TSPAN14: variants seen among roughly 807,000 people sequenced by gnomAD.
The protein encoded by TSPAN14 is tetraspanin-14.
A neutral mutation model predicts 36.6 loss-of-function variants in TSPAN14; 16 were observed. The observed-to-expected ratio is 0.44, with a 90% confidence interval of 0.30 to 0.66. The LOEUF is 0.66. Among genes scored for constraint, TSPAN14 ranks in the 30% least tolerant of loss-of-function variants. The pLI is 0.12. For synonymous variants in TSPAN14, 139 were observed against 143.8 expected (o/e 0.97, Z 0.24); for missense variants, 231 against 355.1 (o/e 0.65, Z 2.81).
At chr10:80,490,778 G>A (rs1847883823) in intron 2 of TSPAN14, among the ~76,000 whole-genome samples, 1 of 152,212 alleles carries the variant, frequency 6.6e-6, no homozygotes, top group Non-Finnish European at 1.5e-5. Flanking sequence ...ATGGTCAAGG[G>A]ATTAAGGGAG....
intron 1 of TSPAN14, among the ~76,000 whole-genome samples, chr10:80,460,838 G>GT (rs1395716221): frequency 6.6e-6 from 1 of 152,092 alleles, no homozygotes; most frequent in African/African-American, 2.4e-5. Context: ...TGCAATTTGT[G>GT]TTCCCTGCTC....
chr10:80,501,796 G>A (rs1009352728), intron 2 of TSPAN14, among the ~76,000 whole-genome samples: 1 of 152,208 alleles, frequency 6.6e-6, no homozygotes, highest in African/African-American at 2.4e-5. Flanking sequence ...ACCCAGAAGT[G>A]TGCCTGGGGG....
intron 2 of TSPAN14, among the ~76,000 whole-genome samples, chr10:80,495,335 C>CTGTGTGTGTGTGTGTGTGTGTG (rs3041272): frequency 7.4e-6 from 1 of 135,652 alleles, no homozygotes; most frequent in Non-Finnish European, 1.5e-5. Flanking sequence ...TCTTTTGGCA[C>CTGTGTGTGTGTGTGTGTGTGTG]TGTGTGTGTG....
chr10:80,512,417 CA>C (rs747821401), intron 6 of TSPAN14, 148 bp downstream of exon 6: 11 of 1,233,704 alleles, frequency 8.9e-6, no homozygotes, highest in Admixed American at 8.2e-5. Flanking sequence ...AAGGCTGCCT[CA>C]GCTCTGAAAT....
rs141282953 is a variant in TSPAN14, at chr10:80,489,336, C to T, written c.81+22C>T. 45 of 1,454,548 alleles carry T rather than the reference C, an allele frequency of 3.1e-5. No individual in the cohort carries two copies. In the African/African-American group the frequency reaches 4.2e-4, roughly 14 times the overall value. The allele number at this position is 1,454,548 out of a possible 1,614,324, so 90.1% of individuals were successfully genotyped here. On this transcript the variant is annotated intron_variant, in intron 2 of 8. Transcript: ENST00000429989. ...CTGGGTAAGTGGATGAGAGCTGCCACATTCCCTTGTTTAGTCCTTCATTCA... is the reference window on the plus strand; with the variant it reads ...CTGGGTAAGTGGATGAGAGCTGCCATATTCCCTTGTTTAGTCCTTCATTCA...
intron 1 of TSPAN14, among the ~76,000 whole-genome samples, chr10:80,482,511 C>G (rs1159820135): frequency 6.6e-6 from 1 of 150,804 alleles, no homozygotes; most frequent in East Asian, 2.0e-4. Context: ...TGGTCTCAAA[C>G]TCCTGACCTC....
chr10:80,522,239 A>AGTG (rs1841301497), exon 9 of TSPAN14: 1 of 152,242 alleles, frequency 6.6e-6, no homozygotes, highest in Non-Finnish European at 1.5e-5. Flanking sequence ...GGCCAGGTGC[A>AGTG]GTGGCTCACG....
intron 1 of TSPAN14, among the ~76,000 whole-genome samples, chr10:80,457,140 GA>G (rs1845769687): frequency 6.6e-6 from 1 of 152,150 alleles, no homozygotes; most frequent in Non-Finnish European, 1.5e-5. Context: ...GTGGTCCCGA[GA>G]GGTCACAGAG....
At chr10:80,521,966 G>C (rs1305430244) in exon 9 of TSPAN14, 1 of 151,374 alleles carries the variant, frequency 6.6e-6, no homozygotes, top group African/African-American at 2.4e-5. Context: ...GGCGTCTCCA[G>C]GGTGCCTCAG....
intron 1 of TSPAN14, among the ~76,000 whole-genome samples, chr10:80,460,347 AT>A (rs1327954825): frequency 6.6e-6 from 1 of 152,170 alleles, no homozygotes; most frequent in Non-Finnish European, 1.5e-5. Context: ...ATCCAGGGTG[AT>A]TAGATATTGA....
intron 1 of TSPAN14, among the ~76,000 whole-genome samples, chr10:80,484,446 T>TTGA (rs767102097): frequency 3.9e-5 from 6 of 152,116 alleles, no homozygotes; most frequent in Non-Finnish European, 5.9e-5. Flanking sequence ...CGCCTCAGCC[T>TTGA]CCCACGTAGC....
chr10:80,457,473 G>A (rs1340400678), intron 1 of TSPAN14, among the ~76,000 whole-genome samples: 1 of 152,236 alleles, frequency 6.6e-6, no homozygotes, highest in Non-Finnish European at 1.5e-5. Context: ...ACAGGCGTGA[G>A]CCACTGTGCC....
intron 1 of TSPAN14, among the ~76,000 whole-genome samples, chr10:80,456,834 G>T (rs1194657939): frequency 6.6e-6 from 1 of 152,066 alleles, no homozygotes; most frequent in East Asian, 1.9e-4. Flanking sequence ...AGGCCGAGGT[G>T]GGTGGATCAC....
At chr10:80,479,007 C>T (rs952182432) in intron 1 of TSPAN14, among the ~76,000 whole-genome samples, 1 of 152,070 alleles carries the variant, frequency 6.6e-6, no homozygotes, top group Non-Finnish European at 1.5e-5. Context: ...GATGGTATCT[C>T]ATTGTGGTTT....
chr10:80,500,674 A>G (rs1848459538), intron 2 of TSPAN14, among the ~76,000 whole-genome samples: 1 of 152,166 alleles, frequency 6.6e-6, no homozygotes, highest in South Asian at 2.1e-4. Flanking sequence ...TAGAGCTGAG[A>G]GAAAGAGAAC....
intron 2 of TSPAN14, among the ~76,000 whole-genome samples, chr10:80,502,664 G>T (rs1460469652): frequency 6.6e-6 from 1 of 152,070 alleles, no homozygotes; most frequent in Non-Finnish European, 1.5e-5. Context: ...GCTCGGTTGG[G>T]GTTGGGGGAC....
intron 1 of TSPAN14, among the ~76,000 whole-genome samples, chr10:80,465,625 G>A (rs916435387): frequency 6.6e-6 from 1 of 152,218 alleles, no homozygotes; most frequent in Non-Finnish European, 1.5e-5. Flanking sequence ...GACACCTACA[G>A]TGGGAACAGA....
At chr10:80,456,907 A>T (rs1041411003) in intron 1 of TSPAN14, among the ~76,000 whole-genome samples, 2 of 151,972 alleles carry the variant, frequency 1.3e-5, no homozygotes, top group African/African-American at 4.8e-5. Context: ...TACGAAAAAT[A>T]CAAAATTAGC....
At chr10:80,461,481 G>C (rs1298539550) in intron 1 of TSPAN14, among the ~76,000 whole-genome samples, 3 of 152,164 alleles carry the variant, frequency 2.0e-5, no homozygotes, top group Non-Finnish European at 4.4e-5. Flanking sequence ...ACGTGGATAG[G>C]TTTTTGAGGG....
Sources: allele counts gnomAD v4.1 joint callset (sites outside exome capture counted in the v4.1 genomes callset), GRCh38; gene constraint gnomAD v4.1.1; transcripts MANE v1.5; gene names NCBI Gene and HGNC (gene_info 2026-07-23, HGNC 2026-07-21).